Variants in TMEM39B observed in about 807,000 individuals in gnomAD.
TMEM39B encodes the protein transmembrane protein 39B.
TMEM39B carries 23 observed loss-of-function variants against 52.2 expected under a neutral mutation model. The observed-to-expected ratio is 0.44, with a 90% CI of 0.32 to 0.62. The LOEUF (loss-of-function observed/expected upper bound fraction) is 0.62, where lower values mean the gene tolerates loss of function less well. Among genes scored for constraint, TMEM39B ranks in the 20% least tolerant of loss-of-function variants. The pLI is 0.06. For synonymous variants in TMEM39B, 285 were observed against 264.0 expected, an observed-to-expected ratio of 1.08 and a Z score of -0.77; for missense variants, 547 against 642.0, an observed-to-expected ratio of 0.85 and a Z score of 1.60.
At chr1:32,082,191 C>T (rs1307949204) in intron 5 of TMEM39B, among the ~76,000 whole-genome samples, 1 of 151,764 alleles carries the variant, frequency 6.6e-6, no homozygotes, top group Non-Finnish European at 1.5e-5. Context: ...CACTTTTCCT[C>T]CCCTCTTCCT....
chr1:32,077,814 G>A (rs1639929954), intron 5 of TMEM39B, among the ~76,000 whole-genome samples: 1 of 152,172 alleles, frequency 6.6e-6, no homozygotes, highest in Non-Finnish European at 1.5e-5. Flanking sequence ...GTGTGTGCCT[G>A]CATATGCATG....
intron 5 of TMEM39B, among the ~76,000 whole-genome samples, chr1:32,091,039 C>T (rs1040840682): frequency 2.0e-5 from 3 of 152,150 alleles, no homozygotes; most frequent in East Asian, 1.9e-4. Flanking sequence ...CTTCCCACGT[C>T]GGCATCCCAA....
At position 32,075,591 on chromosome 1, in the gene TMEM39B, C is replaced by T. The variant is rs1179453915; in HGVS notation, c.132-12C>T. 6.5e-7 allele frequency: 1 copy of T among 1,543,736 alleles called. No individual in the cohort carries two copies. The highest frequency in any genetic ancestry group is 8.8e-7 in the Non-Finnish European group (1 of 1,141,344). On this transcript the variant is annotated splice_polypyrimidine_tract_variant and intron_variant, in intron 2 of 8. Transcript: ENST00000336294. ...AGGTCAGCTGCTGATGTTGTTCCCT[C>T]CCCACTGTCAGGAGCAGTTCTGGAA...
intron 3 of TMEM39B, 138 bp from the exon 4 acceptor site, chr1:32,076,623 TGA>T: frequency 1.2e-6 from 1 of 862,686 alleles, no homozygotes; most frequent in Non-Finnish European, 1.9e-6. Context: ...TTTCCTGGCC[TGA>T]CTCAGCTGGA....
chr1:32,079,463 C>T (rs1266999781), intron 5 of TMEM39B, among the ~76,000 whole-genome samples: 1 of 152,054 alleles, frequency 6.6e-6, no homozygotes, highest in Admixed American at 6.6e-5. Context: ...GGATTACAGG[C>T]ATGAGCCACC....
chr1:32,100,425 T>C lies in TMEM39B; in HGVS notation c.1116-17T>C. On this transcript the variant is annotated splice_polypyrimidine_tract_variant and intron_variant, in intron 7 of 8. Coordinates refer to ENST00000336294, the MANE Select transcript of TMEM39B (RefSeq NM_018056.4). ...GGTGAGCTGGGGATAAGGGGCACCA[T>C]TGAACTGTGCCCCCAGGTGGACTGA... The C allele has an allele frequency of 6.4e-7, 1 of 1,570,868 alleles. No individual in the cohort carries two copies. Among genetic ancestry groups the C allele is most frequent in the Non-Finnish European group, 8.6e-7 (1 of 1,159,622 alleles).
chr1:32,100,624 A>G, intron 8 of TMEM39B, 62 bp downstream of exon 8: 1 of 1,607,054 alleles, frequency 6.2e-7, no homozygotes, highest in East Asian at 2.2e-5. Flanking sequence ...TCTGCAGGGC[A>G]GGAATGTGAT....
chr1:32,090,392 G>A (rs548630766), intron 5 of TMEM39B, among the ~76,000 whole-genome samples: 2 of 152,130 alleles, frequency 1.3e-5, no homozygotes, highest in African/African-American at 4.8e-5. Context: ...ACCGCCCTCT[G>A]CAAACTAAAG....
Position 32,076,841 on chromosome 1 carries a change from A to G in TMEM39B, c.430A>G (p.Lys144Glu). Residue 144 changes from lysine to glutamate, a missense_variant, in exon 4 of 9, where the codon AAG (lysine) becomes GAG (glutamate). Lys to Glu is a moderately conservative substitution (Grantham distance 56). Transcript: ENST00000336294. The part of the protein sequence containing the change: ...LGRRFIGSIV[K>E]EASQRGKVSL... Reference sequence around the variant, plus strand: ...CCGCCGCTTCATTGGGTCCATCGTGAAGGAGGTGATTGGGTCCTAGAGGCT... The same window carrying G: ...CCGCCGCTTCATTGGGTCCATCGTGGAGGAGGTGATTGGGTCCTAGAGGCT... The G allele has an allele frequency of 6.2e-7, 1 of 1,613,986 alleles. No individual in the cohort carries two copies. Among genetic ancestry groups the G allele is most frequent in the Non-Finnish European group, 8.5e-7 (1 of 1,179,978 alleles).
intron 1 of TMEM39B, chr1:32,073,476 G>A: frequency 1.1e-6 from 1 of 925,944 alleles, no homozygotes; most frequent in Non-Finnish European, 1.3e-6. Context: ...TTCTGGAGTG[G>A]GGCTTCTGGG....
At position 32,102,699 on chromosome 1, in the gene TMEM39B, G is replaced by A. The variant is rs371779878; in HGVS notation, c.*26G>A. ...GCCCTGGGGTCACCTCAGGGACAGC[G>A]TCCAGGCTTCAGCCAAGGGCTCCCT... is the stretch of plus-strand genomic sequence containing the variant. On this transcript the variant is annotated 3_prime_UTR_variant, in exon 9 of 9. Coordinates refer to ENST00000336294, the MANE Select transcript of TMEM39B (RefSeq NM_018056.4). The A allele has an allele frequency of 9.2e-4, 1,328 of 1,450,278 alleles. 2 individuals are homozygous for A. The highest frequency in any genetic ancestry group is 1.1e-3 in the Non-Finnish European group (1,209 of 1,094,048). The allele number at this position is 1,450,278 out of a possible 1,614,324, so 89.8% of individuals were successfully genotyped here.
At position 32,094,850 on chromosome 1, in the gene TMEM39B, G is replaced by A; in HGVS notation, c.994G>A (p.Val332Met). Reference sequence around the variant, plus strand: ...CCTGCTGGTGTCCATCAGCACCTCCGTGATCCTCATGCAGCACCTGCTGCC... The same window carrying A: ...CCTGCTGGTGTCCATCAGCACCTCCATGATCCTCATGCAGCACCTGCTGCC... ...LFLLVSISTS[V>M]ILMQHLLPAS... The change falls in exon 7 of 9, where the codon GTG becomes ATG. Residue 332 changes from valine (V) to methionine (M), a missense_variant. By Grantham distance (21) the Val-to-Met change is conservative. Transcript: ENST00000336294. The A allele has an allele frequency of 3.7e-6, 6 of 1,614,164 alleles. No homozygotes were observed. Among genetic ancestry groups the A allele is most frequent in the East Asian group, 2.2e-5 (1 of 44,886 alleles).
rs201461556 is a variant in TMEM39B at position 32,076,715 on chromosome 1, A to C, written c.352-48A>C. 1.1e-4 allele frequency: 168 copies of C among 1,595,230 alleles called. 1 individual carries two copies. In the African/African-American group the frequency reaches 2.0e-3, roughly 19 times the overall value. On this transcript the variant is annotated intron_variant, in intron 3 of 8. Coordinates refer to ENST00000336294, the MANE Select transcript of TMEM39B (RefSeq NM_018056.4). ...GGAGGTGGGTATGAAAAAAGCCTGC[A>C]TATGGGCAAGGGGCCCACATGACCC...
upstream of TMEM39B, chr1:32,072,889 T>C (rs1056310669): frequency 2.9e-5 from 29 of 1,003,234 alleles, no homozygotes; most frequent in Middle Eastern, 3.0e-4. Context: ...CGCGCCAGCT[T>C]CCAGCCCGCC....
chr1:32,087,932 G>C (rs1307960751), intron 5 of TMEM39B: 1 of 150,786 alleles, frequency 6.6e-6, no homozygotes, highest in Non-Finnish European at 1.5e-5. Flanking sequence ...ACAGGCATGA[G>C]CCACCACACC....
chr1:32,078,755 C>A (rs1356238372), intron 5 of TMEM39B, among the ~76,000 whole-genome samples: 1 of 151,448 alleles, frequency 6.6e-6, no homozygotes, highest in Non-Finnish European at 1.5e-5. Flanking sequence ...ATTTTCCTGC[C>A]TCAGCCTCCC....
chr1:32,088,854 G>A (rs1289457823), intron 5 of TMEM39B, among the ~76,000 whole-genome samples: 1 of 151,954 alleles, frequency 6.6e-6, no homozygotes, highest in Non-Finnish European at 1.5e-5. Flanking sequence ...AGAGTATTTC[G>A]GGAATGCCAT....
In TMEM39B at chr1:32,100,495, A is replaced by G; in HGVS notation, c.1169A>G (p.Asn390Ser). The G allele has an allele frequency of 6.2e-7, 1 of 1,613,204 alleles. No individual in the cohort carries two copies. The highest frequency in any genetic ancestry group is 8.5e-7 in the Non-Finnish European group (1 of 1,179,560). The stretch of plus-strand genomic sequence containing the variant: ...GGCGTGCTGGTGAAGCACAGCAAGA[A>G]CGTCTACAAAGCCGTAGGCCACTAC... ...PQGVLVKHSK[N>S]VYKAVGHYNV... is the part of the protein sequence containing the mutation. The change falls in exon 8 of 9, where the codon AAC (asparagine) becomes AGC (serine). Residue 390 changes from asparagine (N) to serine (S), a missense_variant. By Grantham distance (46) the Asn-to-Ser change is conservative (BLOSUM62 1). Transcript: ENST00000336294.
At chr1:32,072,247 A>G (rs1639679422), upstream of TMEM39B, 1 of 151,934 alleles carries the variant, frequency 6.6e-6, no homozygotes, top group African/African-American at 2.4e-5. Context: ...ATGACAATAA[A>G]TGTAGCTCAT....
Sources: gnomAD v4.1 joint callset for allele counts (sites outside exome capture counted in the v4.1 genomes callset) on GRCh38, gnomAD v4.1.1 for gene constraint, MANE v1.5 for transcripts, NCBI Gene and HGNC (gene_info 2026-07-23, HGNC 2026-07-21) for gene names.